Variants in ACYP1 observed in about 807,000 individuals in gnomAD.
ACYP1 encodes the protein acylphosphatase 1.
ACYP1 carries 8 observed loss-of-function variants against 10.4 expected under a neutral mutation model. The ratio of observed to expected loss-of-function variants is 0.77; its 90% CI spans 0.45 to 1.38. The LOEUF is 1.38. Ranked by LOEUF, ACYP1 falls within the 40% of genes most tolerant of loss-of-function variation. The pLI is 0.00. For synonymous variants in ACYP1, 38 were observed against 40.8 expected, an observed-to-expected ratio of 0.93 and a Z score of 0.26; for missense variants, 93 against 117.3, an observed-to-expected ratio of 0.79 and a Z score of 0.96.
intron 2 of ACYP1, chr14:75,061,720 T>G (rs1165331744): frequency 6.3e-7 from 1 of 1,593,978 alleles, no homozygotes. Flanking sequence ...GGAACACAGC[T>G]CTTGCTGTGA....
At chr14:75,056,798 ATT>A (rs767030970) in intron 2 of ACYP1, among the ~76,000 whole-genome samples, 1 of 151,764 alleles carries the variant, frequency 6.6e-6, no homozygotes, top group South Asian at 2.1e-4. Context: ...GCAAAAAAGC[ATT>A]TGACAAAAAC....
At chr14:75,067,589 C>A (rs918591650), upstream of ACYP1, among the ~76,000 whole-genome samples, 4 of 152,010 alleles carry the variant, frequency 2.6e-5, no homozygotes, top group Non-Finnish European at 4.4e-5. Flanking sequence ...ATGAATGGGA[C>A]TGTAATATGA....
At chr14:75,057,930 A>C (rs1892915739) in intron 2 of ACYP1, among the ~76,000 whole-genome samples, 1 of 113,702 alleles carries the variant, frequency 8.8e-6, no homozygotes, top group Non-Finnish European at 1.7e-5. Flanking sequence ...GCACTACTGC[A>C]CTTTAGCCTA....
At position 75,053,468 on chromosome 14, in the gene ACYP1, G is replaced by A. The variant is rs1892794543; in HGVS notation, c.276C>T (p.Tyr92=). 1 of 1,614,176 alleles carries A rather than the reference G, an allele frequency of 6.2e-7. No individual in the cohort carries two copies. The highest frequency in any genetic ancestry group is 8.5e-7 in the Non-Finnish European group (1 of 1,180,016). The change falls in exon 3 of 3, where the codon TAC becomes TAT. Residue 92 remains tyrosine (Y), a synonymous_variant. Coordinates refer to ENST00000238618, the MANE Select transcript of ACYP1 (RefSeq NM_001107.5). ...ATTATTTTACAATTTGGAAGTCTGA[G>A]TAATCCAACTTCAAGATGACTTTTT... The part of the protein sequence containing the change: ...NNEKVILKLD[Y]SDFQIVK
At chr14:75,064,068 T>G (rs962247059), upstream of ACYP1, 2 of 983,326 alleles carry the variant, frequency 2.0e-6, no homozygotes, top group African/African-American at 3.5e-5. Context: ...GCTCCTTCGC[T>G]GTCGCTCATG....
intron 2 of ACYP1, among the ~76,000 whole-genome samples, chr14:75,059,009 C>A (rs1418268842): frequency 6.7e-6 from 1 of 148,770 alleles, no homozygotes; most frequent in Non-Finnish European, 1.5e-5. Flanking sequence ...ACCAGTCTGA[C>A]CAACATGGTG....
intron 2 of ACYP1, 76 bp from the exon 3 acceptor site, chr14:75,053,735 T>C: frequency 7.1e-7 from 1 of 1,414,994 alleles, no homozygotes. Context: ...GTTGCCAGAA[T>C]CTTGGCCTAG....
chr14:75,058,449 C>A (rs968772673), intron 2 of ACYP1, among the ~76,000 whole-genome samples: 1 of 150,492 alleles, frequency 6.6e-6, no homozygotes, highest in Non-Finnish European at 1.5e-5. Flanking sequence ...GACTCCGTTT[C>A]AAAAAAAATA....
At chr14:75,069,400 T>A in exon 1 of ACYP1, 3 of 875,828 alleles carry the variant, frequency 3.4e-6, no homozygotes, top group Non-Finnish European at 4.9e-6. Flanking sequence ...AAGTTCTTCT[T>A]TGAAGGAGCT....
upstream of ACYP1, among the ~76,000 whole-genome samples, chr14:75,068,713 A>T (rs1217322360): frequency 1.4e-5 from 2 of 139,810 alleles, no homozygotes; most frequent in African/African-American, 5.2e-5. Context: ...ACGAGGAATT[A>T]AAAAAAAAAA....
chr14:75,053,783 C>T, intron 2 of ACYP1, 124 bp from the exon 3 acceptor site: 2 of 821,196 alleles, frequency 2.4e-6, no homozygotes, highest in East Asian at 2.6e-5. Context: ...TTGCCCAGAA[C>T]AGTCAAAAGA....
At chr14:75,058,928 G>A (rs1487253960) in intron 2 of ACYP1, among the ~76,000 whole-genome samples, 2 of 152,260 alleles carry the variant, frequency 1.3e-5, no homozygotes, top group South Asian at 2.1e-4. Flanking sequence ...GGCTGGGCGC[G>A]GTGGCTCACG....
At chr14:75,067,757 T>A (rs1316238929), upstream of ACYP1, among the ~76,000 whole-genome samples, 1 of 151,910 alleles carries the variant, frequency 6.6e-6, no homozygotes, top group African/African-American at 2.4e-5. Flanking sequence ...TTTGTGAGAC[T>A]GAGGCGGGAG....
Position 75,053,388 on chromosome 14 carries a change from A to G in ACYP1, c.*56T>C. 6.9e-7 allele frequency: 1 copy of G among 1,459,026 alleles called. No individual in the cohort carries two copies. Among genetic ancestry groups the G allele is most frequent in the South Asian group, 1.2e-5 (1 of 86,790 alleles). 90.4% of individuals were successfully genotyped at this position (1,459,026 alleles called of 1,614,324 possible). On this transcript the variant is annotated 3_prime_UTR_variant, in exon 3 of 3. Coordinates refer to ENST00000238618, the MANE Select transcript of ACYP1 (RefSeq NM_001107.5). ...ATTAACACACAATAGTTCTATCTCT[A>G]TTAATAATAAAAACCAAACCACTGA...
intron 2 of ACYP1, 23 bp downstream of exon 2, chr14:75,063,447 C>A: frequency 6.2e-7 from 1 of 1,606,392 alleles, no homozygotes; most frequent in Non-Finnish European, 8.5e-7. Flanking sequence ...AGGTTACCAC[C>A]CCAAAGCCTG....
upstream of ACYP1, among the ~76,000 whole-genome samples, chr14:75,065,311 G>A (rs1001998381): frequency 6.6e-6 from 1 of 152,176 alleles, no homozygotes; most frequent in Non-Finnish European, 1.5e-5. Context: ...ATGAGATATG[G>A]GTTTGTGACA....
chr14:75,065,319 A>G (rs1893124426), upstream of ACYP1, among the ~76,000 whole-genome samples: 1 of 152,220 alleles, frequency 6.6e-6, no homozygotes, highest in African/African-American at 2.4e-5. Context: ...TGGGTTTGTG[A>G]CAGTAGGCAC....
At chr14:75,058,669 T>C (rs919168313) in intron 2 of ACYP1, among the ~76,000 whole-genome samples, 5 of 151,186 alleles carry the variant, frequency 3.3e-5, no homozygotes, top group Non-Finnish European at 7.4e-5. Context: ...GGCAGACATA[T>C]AGATGAATGG....
At chr14:75,066,984 G>A (rs1417779911), upstream of ACYP1, among the ~76,000 whole-genome samples, 1 of 152,140 alleles carries the variant, frequency 6.6e-6, no homozygotes, top group Non-Finnish European at 1.5e-5. Context: ...GAATGGGAGA[G>A]GATCAGAGTT....
Sources: allele counts gnomAD v4.1 joint callset (sites outside exome capture counted in the v4.1 genomes callset), GRCh38; gene constraint gnomAD v4.1.1; transcripts MANE v1.5; gene names NCBI Gene and HGNC (gene_info 2026-07-23, HGNC 2026-07-21).